The following DCC variants were observed in gnomAD, a reference collection of about 807,000 sequenced individuals.
The protein encoded by DCC is DCC netrin 1 receptor.
DCC carries 58 observed loss-of-function variants against 172.5 expected under a neutral mutation model. The observed-to-expected ratio is 0.34, with a 90% CI of 0.27 to 0.42. The LOEUF is 0.42. Among genes scored for constraint, DCC ranks in the 10% least tolerant of loss-of-function variants. DCC has a pLI of 1.00. For synonymous variants in DCC, 709 were observed against 644.5 expected (o/e 1.10, Z -1.52); for missense variants, 1,740 against 1,791.0 (o/e 0.97, Z 0.51).
rs535431189 is a variant in DCC, at chr18:53,383,778, A to G, written c.2360-2265A>G. ...AATTTTAGGAACACAGACTTTATTT[A>G]ACCTTTTCTGTATTACATCTCTAGG... is the stretch of plus-strand genomic sequence containing the variant. On this transcript the variant is annotated intron_variant, in intron 15 of 28. Coordinates refer to ENST00000442544, the MANE Select transcript of DCC (RefSeq NM_005215.4). Among the ~76,000 whole-genome samples the G allele has an allele frequency of 9.2e-5, 14 of 152,030 alleles. No homozygotes were observed. The East Asian group carries it at 2.7e-3, about 29-fold the overall frequency.
rs545249736 is a variant in DCC at position 53,522,649 on chromosome 18, G to C, written c.4112-3968G>C. On this transcript the variant is annotated intron_variant, in intron 27 of 28. Coordinates refer to ENST00000442544, the MANE Select transcript of DCC (RefSeq NM_005215.4). ...AACCATCTGATCTTTGACAAACCTGGCAAAAAGCACCGGGGAAAGGATTCC... is the reference window on the plus strand; with the variant it reads ...AACCATCTGATCTTTGACAAACCTGCCAAAAAGCACCGGGGAAAGGATTCC... Among the ~76,000 whole-genome samples, 10 of 151,802 alleles carry C rather than the reference G, an allele frequency of 6.6e-5. No individual in the cohort carries two copies. The South Asian group carries it at 1.9e-3, about 28-fold the overall frequency.
chr18:53,023,764 A>G (rs557287489), intron 5 of DCC, among the ~76,000 whole-genome samples: 9 of 152,256 alleles, frequency 5.9e-5, no homozygotes, highest in African/African-American at 2.2e-4. Flanking sequence ...AATGTCTGTG[A>G]AATTGAACGC....
chr18:53,155,602 A>G (rs2054718669), intron 7 of DCC, among the ~76,000 whole-genome samples: 1 of 152,262 alleles, frequency 6.6e-6, no homozygotes, highest in Admixed American at 6.5e-5. Flanking sequence ...TTAATTGTGA[A>G]TAATTCAGAG....
chr18:52,507,076 G>T (rs967331982), intron 1 of DCC, among the ~76,000 whole-genome samples: 10 of 152,126 alleles, frequency 6.6e-5, no homozygotes, highest in Middle Eastern at 3.4e-3. Context: ...GTTAAAAAAA[G>T]ACTAAGAAAA....
chr18:52,920,343 C>A (rs916527440), intron 3 of DCC, among the ~76,000 whole-genome samples: 1 of 151,758 alleles, frequency 6.6e-6, no homozygotes, highest in Non-Finnish European at 1.5e-5. Context: ...AAACACACAA[C>A]AAATTATTAA....
chr18:52,678,022 G>C (rs2035676405), intron 1 of DCC, among the ~76,000 whole-genome samples: 1 of 152,156 alleles, frequency 6.6e-6, no homozygotes, highest in African/African-American at 2.4e-5. Flanking sequence ...CCTTCCAGTG[G>C]AAGTGGGTAT....
rs149869335 is a variant in DCC, at chr18:53,511,799, C to T, written c.4111+12289C>T. Among the ~76,000 whole-genome samples the T allele has an allele frequency of 5.4e-3, 827 of 152,296 alleles. 5 individuals carry two copies. The highest frequency in any genetic ancestry group is 0.019 in the African/African-American group (774 of 41,568). ...ATGAGAGTATATCCTGCACCTGGCTCGGAGGGTCCTACGCCCACGGAGTCT... is the reference window on the plus strand; with the variant it reads ...ATGAGAGTATATCCTGCACCTGGCTTGGAGGGTCCTACGCCCACGGAGTCT... On this transcript the variant is annotated intron_variant, in intron 27 of 28. Coordinates refer to ENST00000442544, the MANE Select transcript of DCC (RefSeq NM_005215.4).
intron 2 of DCC, among the ~76,000 whole-genome samples, chr18:52,877,316 G>A (rs186811356): frequency 6.9e-4 from 105 of 152,260 alleles, no homozygotes; most frequent in African/African-American, 2.4e-3. Flanking sequence ...AGTGTCCCTG[G>A]AGAAAAAAGA....
chr18:52,834,880 CTA>C (rs1164417219), intron 2 of DCC, among the ~76,000 whole-genome samples: 3 of 150,760 alleles, frequency 2.0e-5, no homozygotes, highest in African/African-American at 7.3e-5. Flanking sequence ...CAATTAACTA[CTA>C]TATGTGTTTA....
At chr18:52,532,831 C>A (rs2032189009) in intron 1 of DCC, among the ~76,000 whole-genome samples, 1 of 151,902 alleles carries the variant, frequency 6.6e-6, no homozygotes, top group Non-Finnish European at 1.5e-5. Flanking sequence ...CTAAAGTAGA[C>A]CATTCAGTGG....
chr18:52,485,297 C>T (rs1176986809), intron 1 of DCC, among the ~76,000 whole-genome samples: 1 of 152,070 alleles, frequency 6.6e-6, no homozygotes, highest in South Asian at 2.1e-4. Flanking sequence ...TTGTTCTTAA[C>T]TTCTTAAAAA....
chr18:53,300,796 C>G (rs1315833590), intron 12 of DCC, among the ~76,000 whole-genome samples: 1 of 151,964 alleles, frequency 6.6e-6, no homozygotes, highest in Non-Finnish European at 1.5e-5. Context: ...TTTTTCTTCT[C>G]TCAGAGAAAC....
At chr18:53,184,858 T>C (rs2055255562) in intron 9 of DCC, among the ~76,000 whole-genome samples, 1 of 152,178 alleles carries the variant, frequency 6.6e-6, no homozygotes, top group Non-Finnish European at 1.5e-5. Context: ...TAAAGTATGG[T>C]TACATAAATT....
chr18:52,706,163 A>G (rs1322302821), intron 1 of DCC, among the ~76,000 whole-genome samples: 1 of 152,208 alleles, frequency 6.6e-6, no homozygotes, highest in African/African-American at 2.4e-5. Flanking sequence ...CTAAACAATG[A>G]TAATAAGAAT....
rs2030771713 is a variant in DCC at position 52,496,835 on chromosome 18, TAA to T, written c.91+155960_91+155961del. The stretch of plus-strand genomic sequence containing the variant: ...ATATTTACTTTTAGATGTTTTATTT[TAA>T]AATCTTTAAAAAATAGAAGATTGTG... On this transcript the variant is annotated intron_variant, in intron 1 of 28. Coordinates refer to ENST00000442544, the MANE Select transcript of DCC (RefSeq NM_005215.4). 2.6e-5 allele frequency among the ~76,000 whole-genome samples: 4 copies of T among 152,194 alleles called. No homozygotes were observed. The South Asian group carries it at 8.3e-4, about 32-fold the overall frequency.
intron 12 of DCC, among the ~76,000 whole-genome samples, chr18:53,283,403 A>AT (rs1372582946): frequency 6.6e-6 from 1 of 152,040 alleles, no homozygotes; most frequent in Admixed American, 6.6e-5. Flanking sequence ...CTTTCTTAGA[A>AT]TTTTCAGGCT....
chr18:53,512,936 A>G (rs941301716), intron 27 of DCC, among the ~76,000 whole-genome samples: 1 of 152,200 alleles, frequency 6.6e-6, no homozygotes, highest in Admixed American at 6.5e-5. Flanking sequence ...GCAGGCCAAC[A>G]TTCAGATTCA....
chr18:52,869,000 G>A (rs530066985), intron 2 of DCC, among the ~76,000 whole-genome samples: 1 of 152,344 alleles, frequency 6.6e-6, no homozygotes, highest in South Asian at 2.1e-4. Flanking sequence ...ACTGGAGATG[G>A]CAGGAACTGC....
chr18:52,869,794 C>G (rs1046838019), intron 2 of DCC, among the ~76,000 whole-genome samples: 2 of 152,180 alleles, frequency 1.3e-5, no homozygotes, highest in African/African-American at 4.8e-5. Flanking sequence ...CGGGCTTGGC[C>G]CCAACCCTGT....
Sources: allele counts gnomAD v4.1 joint callset (sites outside exome capture counted in the v4.1 genomes callset), GRCh38; gene constraint gnomAD v4.1.1; transcripts MANE v1.5; gene names NCBI Gene and HGNC (gene_info 2026-07-23, HGNC 2026-07-21).